Variants in FRAS1 observed in about 807,000 individuals in gnomAD.
The protein encoded by FRAS1 is Fraser extracellular matrix complex subunit 1, also known as extracellular matrix organizing protein FRAS1.
A neutral mutation model predicts 435.2 loss-of-function variants in FRAS1; 290 were observed. The ratio of observed to expected loss-of-function variants is 0.67; its 90% CI spans 0.61 to 0.73. FRAS1 has a LOEUF of 0.73. Among genes scored for constraint, FRAS1 ranks in the 30% least tolerant of loss-of-function variants. The pLI is 0.00. For missense variants in FRAS1, 4,860 were observed against 5,001.5 expected, an observed-to-expected ratio of 0.97 and a Z score of 0.85; for synonymous variants, 1,800 against 1,851.0, an observed-to-expected ratio of 0.97 and a Z score of 0.71.
At position 78,157,699 on chromosome 4, in the gene FRAS1, G is replaced by A. The variant is rs192579881; in HGVS notation, c.109-79811G>A. Among the ~76,000 whole-genome samples the A allele has an allele frequency of 3.9e-5, 6 of 152,260 alleles. No individual in the cohort carries two copies. In the East Asian group the frequency reaches 1.2e-3, roughly 29 times the overall value. ...TGTTGAATTATTTAAGTTACTTATA[G>A]ATTCTGAGTGTTTGCCCTTTGTAGG... On this transcript the variant is annotated intron_variant, in intron 2 of 73. Transcript: ENST00000512123.
chr4:78,450,550 G>T, intron 45 of FRAS1: 1 of 532,830 alleles, frequency 1.9e-6, no homozygotes, highest in Middle Eastern at 5.0e-4. Flanking sequence ...TTCATGCTTT[G>T]ACTTAGCATT....
intron 22 of FRAS1, among the ~76,000 whole-genome samples, chr4:78,366,791 A>G (rs1227236256): frequency 6.6e-6 from 1 of 152,200 alleles, no homozygotes; most frequent in Non-Finnish European, 1.5e-5. Context: ...TGGCCACACC[A>G]AGATGTCTGC....
chr4:78,449,264 T>C (rs79197207), intron 44 of FRAS1, among the ~76,000 whole-genome samples: 3,930 of 152,226 alleles, frequency 0.026, 169 homozygotes, highest in African/African-American at 0.09. Context: ...GACACTTTCG[T>C]GTGCAGTAGG....
At chr4:78,370,208 C>T (rs1266456351) in intron 23 of FRAS1, among the ~76,000 whole-genome samples, 4 of 152,178 alleles carry the variant, frequency 2.6e-5, no homozygotes, top group South Asian at 4.1e-4. Context: ...TGTTGTGCCA[C>T]GTCTTGATAA....
intron 2 of FRAS1, among the ~76,000 whole-genome samples, chr4:78,162,858 C>T (rs972095061): frequency 1.3e-5 from 2 of 152,152 alleles, no homozygotes; most frequent in African/African-American, 2.4e-5. Context: ...TCAGTGTAAA[C>T]CATCCTGTAC....
intron 20 of FRAS1, among the ~76,000 whole-genome samples, chr4:78,347,669 A>C (rs1055318202): frequency 6.6e-6 from 1 of 151,738 alleles, no homozygotes; most frequent in African/African-American, 2.4e-5. Flanking sequence ...TCAAATAAGC[A>C]CTCAAGTTCA....
intron 2 of FRAS1, among the ~76,000 whole-genome samples, chr4:78,195,842 A>C (rs1429759887): frequency 6.6e-6 from 1 of 152,000 alleles, no homozygotes; most frequent in African/African-American, 2.4e-5. Context: ...GGAAATGCAT[A>C]AATCACCCAT....
At chr4:78,202,783 G>A (rs187214030) in intron 2 of FRAS1, among the ~76,000 whole-genome samples, 1 of 152,300 alleles carries the variant, frequency 6.6e-6, no homozygotes, top group East Asian at 1.9e-4. Context: ...GTTTTATCAA[G>A]CTCCCAAGCT....
intron 20 of FRAS1, among the ~76,000 whole-genome samples, chr4:78,345,867 A>T (rs1331962291): frequency 9.8e-6 from 1 of 102,458 alleles, no homozygotes; most frequent in Non-Finnish European, 1.9e-5. Context: ...CCTAAATTAA[A>T]AAAAAAAAAA....
chr4:78,539,336 G>T lies in FRAS1; in HGVS notation c.11341G>T (p.Val3781Leu). ...GGTAACTGATAAGTACTTCCATGAT[G>T]TGCCTTTTGAGGCTCACTTTGCCTC... ...PEVTDKYFHD[V>L]PFEAHFASEL... The change falls in exon 73 of 74, where the codon GTG becomes TTG. Residue 3781 changes from valine (V) to leucine (L), a missense_variant. Transcript: ENST00000512123. 6.2e-7 allele frequency: 1 copy of T among 1,612,960 alleles called. No homozygotes were observed. Among genetic ancestry groups the T allele is most frequent in the Non-Finnish European group, 8.5e-7 (1 of 1,179,524 alleles).
At chr4:78,522,584 C>A in intron 68 of FRAS1, 65 bp from the exon 69 acceptor site, 1 of 1,348,994 alleles carries the variant, frequency 7.4e-7, no homozygotes, top group South Asian at 1.3e-5. Flanking sequence ...GGGGCTCTAC[C>A]AGGTACAGTC....
At chr4:78,427,142 G>T (rs1001834073) in intron 35 of FRAS1, among the ~76,000 whole-genome samples, 5 of 152,162 alleles carry the variant, frequency 3.3e-5, no homozygotes, top group African/African-American at 1.2e-4. Context: ...CTCATGAATG[G>T]TTTAATCATT....
intron 24 of FRAS1, among the ~76,000 whole-genome samples, chr4:78,373,851 G>A (rs1414530385): frequency 6.6e-6 from 1 of 152,114 alleles, no homozygotes; most frequent in African/African-American, 2.4e-5. Flanking sequence ...CATTTTCCAT[G>A]GGTGGGTAGG....
chr4:78,525,050 G>T (rs536258382), intron 69 of FRAS1, among the ~76,000 whole-genome samples: 16 of 152,240 alleles, frequency 1.1e-4, no homozygotes, highest in Middle Eastern at 3.4e-3. Flanking sequence ...CCATATGGCT[G>T]GCATGGAGTG....
chr4:78,332,095 G>C (rs966528486), intron 18 of FRAS1, among the ~76,000 whole-genome samples: 3 of 152,116 alleles, frequency 2.0e-5, no homozygotes, highest in African/African-American at 7.2e-5. Context: ...TAATTACAGC[G>C]GTCTGTGAGG....
At chr4:78,203,513 C>T (rs1723130372) in intron 2 of FRAS1, among the ~76,000 whole-genome samples, 4 of 152,222 alleles carry the variant, frequency 2.6e-5, no homozygotes, top group Non-Finnish European at 4.4e-5. Context: ...AACAAAGTGA[C>T]ATTGTTTCTT....
intron 2 of FRAS1, among the ~76,000 whole-genome samples, chr4:78,170,238 C>T (rs957069698): frequency 6.6e-6 from 1 of 152,048 alleles, no homozygotes; most frequent in Admixed American, 6.6e-5. Context: ...TATCTTCTCC[C>T]CCTATGTTAA....
At chr4:78,303,495 G>C (rs1728533502) in intron 14 of FRAS1, among the ~76,000 whole-genome samples, 1 of 152,162 alleles carries the variant, frequency 6.6e-6, no homozygotes, top group African/African-American at 2.4e-5. Context: ...CATGAGCATG[G>C]AATGTTCTTC....
intron 48 of FRAS1, 97 bp downstream of exon 48, chr4:78,464,242 A>G: frequency 6.8e-7 from 1 of 1,463,288 alleles, no homozygotes; most frequent in Non-Finnish European, 9.1e-7. Flanking sequence ...GAAGAGCTTC[A>G]TTTTCCTCTG....
Sources: gnomAD v4.1 joint callset for allele counts (sites outside exome capture counted in the v4.1 genomes callset) on GRCh38, gnomAD v4.1.1 for gene constraint, MANE v1.5 for transcripts, NCBI Gene and HGNC (gene_info 2026-07-23, HGNC 2026-07-21) for gene names.